PITPNM2: variants seen among roughly 807,000 people sequenced by gnomAD.
PITPNM2 encodes phosphatidylinositol transfer protein membrane associated 2, also known as membrane-associated phosphatidylinositol transfer protein 2.
PITPNM2 carries 35 observed loss-of-function variants against 132.2 expected under a neutral mutation model. That is an observed-to-expected ratio of 0.26 (90% CI 0.20 to 0.35). PITPNM2 has a LOEUF of 0.35. Ranked by LOEUF, PITPNM2 falls within the 10% of genes least tolerant of loss-of-function variation. The pLI, the probability that PITPNM2 is intolerant of heterozygous loss-of-function variation, is 1.00. For missense variants in PITPNM2, 1,332 were observed against 1,912.0 expected, an observed-to-expected ratio of 0.70 and a Z score of 5.66; for synonymous variants, 738 against 799.2, an observed-to-expected ratio of 0.92 and a Z score of 1.29.
At chr12:123,079,376 T>C (rs2041889169) in intron 2 of PITPNM2, among the ~76,000 whole-genome samples, 1 of 133,364 alleles carries the variant, frequency 7.5e-6, no homozygotes, top group Non-Finnish European at 1.6e-5. Flanking sequence ...TTTTTTTTTT[T>C]TTTTGAGACA....
Position 123,068,190 on chromosome 12 carries a change from G to A in PITPNM2, c.-95-33505C>T, listed in dbSNP as rs1025107505. Among the ~76,000 whole-genome samples, 5 of 114,878 alleles carry A rather than the reference G, an allele frequency of 4.4e-5. No individual in the cohort carries two copies. The Admixed American group carries it at 4.7e-4, about 11-fold the overall frequency. The allele number at this position is 114,878 out of a possible 152,430, so 75.4% of individuals were successfully genotyped here. On this transcript the variant is annotated intron_variant, in intron 2 of 25. Transcript: ENST00000320201. ...TTGCTAAAAATCCACGGGCACGGCC[G>A]GGCACGGTGGCTCACGCCTGTAATC...
At position 123,108,272 on chromosome 12, in the gene PITPNM2, T is replaced by C. The variant is rs1309362815; in HGVS notation, c.-96+2113A>G. On this transcript the variant is annotated intron_variant, in intron 2 of 25. Transcript: ENST00000320201. The surrounding 1 kb of genome is among the most constrained non-coding windows in gnomAD (Gnocchi z 4.4). ...TTCCTGAAGACATTTTAGGTCTAAG[T>C]GAAGACCTTCGGATGAGGTGAGCTG... 6.6e-6 allele frequency among the ~76,000 whole-genome samples: 1 copy of C among 152,144 alleles called. No individual in the cohort carries two copies. Among genetic ancestry groups the C allele is most frequent in the Non-Finnish European group, 1.5e-5 (1 of 68,028 alleles).
chr12:123,009,956 C>A lies in PITPNM2; in HGVS notation c.537G>T (p.Glu179Asp), dbSNP rs2039112639. 6.2e-7 allele frequency: 1 copy of A among 1,614,100 alleles called. No homozygotes were observed. Among genetic ancestry groups the A allele is most frequent in the African/African-American group, 1.3e-5 (1 of 74,914 alleles). Reference protein sequence around the residue: ...RGPLSENWIEEYKKQVFPIMC... With the variant: ...RGPLSENWIEDYKKQVFPIMC... The stretch of plus-strand genomic sequence containing the variant: ...TGATGGGGAAGACCTGCTTCTTGTA[C>A]TCCTCGATCCAGTTCTCGGACAGGG... The change falls in exon 6 of 26, where the codon GAG (glutamate) becomes GAT (aspartate). Residue 179 changes from glutamate (E) to aspartate (D), a missense_variant. Physicochemically the swap from Glu to Asp is conservative, Grantham distance 45. Around this residue, in one of 6 missense-constraint regions of PITPNM2, gnomAD observed 122 missense variants for 209.6 expected, o/e 0.58. Transcript: ENST00000320201. This position sits in a 1 kb window ranked among gnomAD's most constrained non-coding sequence, Gnocchi z 4.8.
chr12:123,146,141 C>A (rs1220387613), intron 1 of PITPNM2, among the ~76,000 whole-genome samples: 2 of 151,986 alleles, frequency 1.3e-5, no homozygotes, highest in African/African-American at 4.8e-5. Context: ...GTAACACACA[C>A]TGGGACTTAT....
chr12:123,063,012 A>C (rs1296733595), intron 2 of PITPNM2, among the ~76,000 whole-genome samples: 4 of 152,226 alleles, frequency 2.6e-5, no homozygotes, highest in African/African-American at 9.6e-5. Flanking sequence ...CACACACACA[A>C]ACAGCAATGC....
intron 1 of PITPNM2, among the ~76,000 whole-genome samples, chr12:123,121,723 T>A (rs2043036152): frequency 6.6e-6 from 1 of 151,774 alleles, no homozygotes; most frequent in Non-Finnish European, 1.5e-5. Flanking sequence ...AACATAATTT[T>A]TTTTTAGTAG....
At chr12:123,132,422 C>G (rs186311423) in intron 1 of PITPNM2, among the ~76,000 whole-genome samples, 1 of 152,258 alleles carries the variant, frequency 6.6e-6, no homozygotes, top group Non-Finnish European at 1.5e-5. Flanking sequence ...CAGGTGTGGT[C>G]CAGCCCCGAG....
intron 2 of PITPNM2, among the ~76,000 whole-genome samples, chr12:123,048,643 A>G (rs893561923): frequency 6.7e-6 from 1 of 149,774 alleles, no homozygotes; most frequent in Non-Finnish European, 1.5e-5. Flanking sequence ...CGATCTCCTG[A>G]CCTCATGATC....
chr12:123,104,405 C>A (rs536504018), intron 2 of PITPNM2, among the ~76,000 whole-genome samples: 3 of 152,216 alleles, frequency 2.0e-5, no homozygotes, highest in Non-Finnish European at 2.9e-5. Context: ...AGTGAATATG[C>A]CCTGCCCCGC....
intron 1 of PITPNM2, among the ~76,000 whole-genome samples, chr12:123,130,832 C>G (rs2137548331): frequency 6.6e-6 from 1 of 152,198 alleles, no homozygotes; most frequent in East Asian, 1.9e-4. Context: ...GAACAGCCTT[C>G]CCTGTAATAA....
At chr12:123,070,883 T>C (rs1212538372) in intron 2 of PITPNM2, among the ~76,000 whole-genome samples, 1 of 152,226 alleles carries the variant, frequency 6.6e-6, no homozygotes, top group Non-Finnish European at 1.5e-5. Context: ...TGACTCATGT[T>C]GGGGCCACAT....
chr12:122,991,183 C>T (rs927922846), intron 16 of PITPNM2, among the ~76,000 whole-genome samples: 2 of 152,226 alleles, frequency 1.3e-5, no homozygotes, highest in Admixed American at 6.5e-5. Context: ...CCCTGAGCAT[C>T]CCTCACACAG....
At position 123,031,778 on chromosome 12, in the gene PITPNM2, C is replaced by G. The variant is rs985964377; in HGVS notation, c.78+2735G>C. On this transcript the variant is annotated intron_variant, in intron 3 of 25. Transcript: ENST00000320201. The surrounding 1 kb of genome is among the most constrained non-coding windows in gnomAD (Gnocchi z 4.5). ...ACAGAAGCACCTCTCCCGGCAATAC[C>G]TGGTTTCTTTCACCTTTCTTTTTTA... 6.6e-6 allele frequency among the ~76,000 whole-genome samples: 1 copy of G among 152,218 alleles called. No individual in the cohort carries two copies. The highest frequency in any genetic ancestry group is 1.5e-5 in the Non-Finnish European group (1 of 68,046).
chr12:123,070,569 C>T (rs35246351), intron 2 of PITPNM2, among the ~76,000 whole-genome samples: 2,903 of 152,286 alleles, frequency 0.019, 43 homozygotes, highest in Middle Eastern at 0.031. Flanking sequence ...GGGAAGCAGG[C>T]GATGTCCCCC....
rs963718706 is a variant in PITPNM2 at position 123,031,497 on chromosome 12, C to T, written c.78+3016G>A. 1.3e-5 allele frequency among the ~76,000 whole-genome samples: 2 copies of T among 152,236 alleles called. No homozygotes were observed. Among genetic ancestry groups the T allele is most frequent in the Non-Finnish European group, 2.9e-5 (2 of 68,048 alleles). On this transcript the variant is annotated intron_variant, in intron 3 of 25. Transcript: ENST00000320201. The surrounding 1 kb of genome is among the most constrained non-coding windows in gnomAD (Gnocchi z 4.5). ...GGAACCTATGGCTTCCTGGTAACTACATGAGGGCTGAAGCACCTCAAACAC... is the reference window on the plus strand; with the variant it reads ...GGAACCTATGGCTTCCTGGTAACTATATGAGGGCTGAAGCACCTCAAACAC...
At chr12:123,121,682 A>T (rs948330922) in intron 1 of PITPNM2, among the ~76,000 whole-genome samples, 1 of 151,684 alleles carries the variant, frequency 6.6e-6, no homozygotes, top group Non-Finnish European at 1.5e-5. Flanking sequence ...AGTAGGTGGG[A>T]CTACAGGCAC....
At chr12:123,131,388 G>T (rs975135694) in intron 1 of PITPNM2, among the ~76,000 whole-genome samples, 1 of 152,188 alleles carries the variant, frequency 6.6e-6, no homozygotes, top group South Asian at 2.1e-4. Flanking sequence ...GGGAGGCCGG[G>T]AACAGATACT....
intron 11 of PITPNM2, 99 bp downstream of exon 11, chr12:122,997,225 CG>C (rs1355681567): frequency 6.5e-6 from 10 of 1,542,468 alleles, no homozygotes; most frequent in Non-Finnish European, 8.8e-6. Flanking sequence ...GTCTGGACAT[CG>C]GGGCAGGAGT....
intron 1 of PITPNM2, among the ~76,000 whole-genome samples, chr12:123,126,917 G>A (rs1306239411): frequency 1.3e-5 from 2 of 152,226 alleles, no homozygotes; most frequent in Admixed American, 6.5e-5. Flanking sequence ...CTGGTTTCCA[G>A]CAGGAGCAAA....
Sources: allele counts gnomAD v4.1 joint callset (sites outside exome capture counted in the v4.1 genomes callset), GRCh38; gene constraint gnomAD v4.1.1; regional missense constraint gnomAD v4.1.1; non-coding constraint Gnocchi (gnomAD v3.1); transcripts MANE v1.5; gene names NCBI Gene and HGNC (gene_info 2026-07-23, HGNC 2026-07-21).